The following LMNTD1 variants were observed in gnomAD, a reference collection of about 807,000 sequenced individuals.
LMNTD1 encodes the protein lamin tail domain containing 1.
LMNTD1 carries 35 observed loss-of-function variants against 50.9 expected under a neutral mutation model. The observed-to-expected ratio is 0.69, with a 90% CI of 0.53 to 0.91. The LOEUF (loss-of-function observed/expected upper bound fraction) is 0.91. Ranked by LOEUF, LMNTD1 falls within the 40% of genes least tolerant of loss-of-function variation. The probability of loss-of-function intolerance (pLI) is 0.00; values close to 1 mark genes in which losing one functional copy is unlikely to be tolerated. For synonymous variants in LMNTD1, 153 were observed against 161.9 expected (o/e 0.94, Z 0.42); for missense variants, 470 against 475.5 (o/e 0.99, Z 0.11).
chr12:25,529,408 G>T (rs569985554), intron 4 of LMNTD1, among the ~76,000 whole-genome samples: 1 of 151,814 alleles, frequency 6.6e-6, no homozygotes, highest in South Asian at 2.1e-4. Context: ...GATCTCAAAA[G>T]GTACCCCTGA....
chr12:25,632,834 A>G (rs1165872735), intron 1 of LMNTD1, among the ~76,000 whole-genome samples: 1 of 152,256 alleles, frequency 6.6e-6, no homozygotes, highest in African/African-American at 2.4e-5. Context: ...ACTAACATTG[A>G]ATGTAAATGG....
chr12:25,549,528 T>G lies in LMNTD1; in HGVS notation c.108A>C (p.Gly36=). 1 of 1,604,778 alleles carries G rather than the reference T, an allele frequency of 6.2e-7. No individual in the cohort carries two copies. Among genetic ancestry groups the G allele is most frequent in the Non-Finnish European group, 8.5e-7 (1 of 1,173,168 alleles). Residue 36 remains glycine, a synonymous_variant, in exon 3 of 10, where the codon GGA becomes GGC. Transcript: ENST00000458174. The part of the protein sequence containing the change: ...EKQKQREDKL[G]VYSLVHFSPK... The stretch of plus-strand genomic sequence containing the variant: ...GGGAAAAATGTACTAAAGAATATAC[T>G]CCAAGTTTGTCTTCTCTTCTGTGTA...
intron 1 of LMNTD1, among the ~76,000 whole-genome samples, chr12:25,620,663 T>G (rs1045235938): frequency 6.6e-6 from 1 of 152,184 alleles, no homozygotes; most frequent in Non-Finnish European, 1.5e-5. Flanking sequence ...TGAGCTGATT[T>G]TCTTTCCTTA....
At chr12:25,530,417 G>A (rs571581117) in intron 4 of LMNTD1, among the ~76,000 whole-genome samples, 8 of 151,932 alleles carry the variant, frequency 5.3e-5, no homozygotes, top group East Asian at 1.9e-4. Flanking sequence ...TCTTTTAAAC[G>A]TTTCAATAAT....
chr12:25,630,526 C>T (rs371307717), intron 1 of LMNTD1: 9 of 152,398 alleles, frequency 5.9e-5, no homozygotes, highest in African/African-American at 2.2e-4. Context: ...AAGAGAGCCT[C>T]CTCTCCCAAA....
chr12:25,607,658 T>C (rs893857229), intron 1 of LMNTD1, among the ~76,000 whole-genome samples: 1 of 152,244 alleles, frequency 6.6e-6, no homozygotes, highest in African/African-American at 2.4e-5. Flanking sequence ...GTGAGTTTCT[T>C]AATCCTGAAT....
chr12:25,497,662 G>A (rs1232417573), intron 9 of LMNTD1: 1 of 152,144 alleles, frequency 6.6e-6, no homozygotes, highest in South Asian at 2.1e-4. Context: ...GCCATGCAGG[G>A]TGGCGGATGC....
Position 25,546,514 on chromosome 12 carries a change from T to A in LMNTD1, c.351A>T (p.Ser117=). ...PFSVPKKQDE[S]PMIGDGEDYF... ...AATCTTCTCCATCCCCAATCATGGG[T>A]GATTCATCCTGTTTCTTCGGAACTG... The change falls in exon 4 of 10, where the codon TCA becomes TCT. Residue 117 remains serine (S), a synonymous_variant. Transcript: ENST00000458174. 6.3e-7 allele frequency: 1 copy of A among 1,576,680 alleles called. No individual in the cohort carries two copies. Among genetic ancestry groups the A allele is most frequent in the Non-Finnish European group, 8.6e-7 (1 of 1,159,378 alleles).
At chr12:25,567,417 A>G (rs1944598825) in intron 1 of LMNTD1, among the ~76,000 whole-genome samples, 1 of 152,204 alleles carries the variant, frequency 6.6e-6, no homozygotes. Flanking sequence ...TATAGCTATT[A>G]TTTACCATGA....
chr12:25,629,796 T>G (rs927681181), intron 1 of LMNTD1, among the ~76,000 whole-genome samples: 1 of 151,994 alleles, frequency 6.6e-6, no homozygotes, highest in Admixed American at 6.6e-5. Flanking sequence ...AGGTAGAAGC[T>G]TAACAGAGAG....
intron 1 of LMNTD1, among the ~76,000 whole-genome samples, chr12:25,593,733 T>A (rs1273054243): frequency 6.6e-6 from 1 of 150,548 alleles, no homozygotes; most frequent in African/African-American, 2.5e-5. Context: ...GGAAAAGAAT[T>A]CAGAAGGTTA....
chr12:25,516,069 T>G (rs1164048832), intron 8 of LMNTD1, among the ~76,000 whole-genome samples: 2 of 152,162 alleles, frequency 1.3e-5, no homozygotes, highest in Non-Finnish European at 2.9e-5. Context: ...TTACAAATCC[T>G]TTCAAGGAGA....
intron 1 of LMNTD1, among the ~76,000 whole-genome samples, chr12:25,616,092 TAAC>T (rs1946349003): frequency 8.3e-6 from 1 of 120,888 alleles, no homozygotes; most frequent in Non-Finnish European, 1.7e-5. Flanking sequence ...GACACACACA[TAAC>T]ACACACACAC....
chr12:25,503,097 G>A (rs1227391964), intron 9 of LMNTD1: 1 of 152,174 alleles, frequency 6.6e-6, no homozygotes, highest in Non-Finnish European at 1.5e-5. Flanking sequence ...TAGTGAACGA[G>A]GGCAACAAAG....
intron 2 of LMNTD1, among the ~76,000 whole-genome samples, chr12:25,550,749 C>G (rs1286379306): frequency 1.3e-5 from 2 of 152,120 alleles, no homozygotes; most frequent in African/African-American, 4.8e-5. Flanking sequence ...TCATTTTGTT[C>G]TACAATGTGA....
At chr12:25,563,225 T>G (rs1944411370) in intron 1 of LMNTD1, among the ~76,000 whole-genome samples, 2 of 152,238 alleles carry the variant, frequency 1.3e-5, no homozygotes, top group African/African-American at 4.8e-5. Context: ...GGCGCTCTGA[T>G]TTTTAGAATT....
intron 8 of LMNTD1, among the ~76,000 whole-genome samples, chr12:25,514,747 C>T (rs1479506): frequency 0.74 from 112,840 of 151,552 alleles, 42,843 homozygotes; most frequent in East Asian, 0.91. Flanking sequence ...AAGCACATAA[C>T]TTTATTATTA....
At chr12:25,630,737 C>CAGG (rs1164412268) in intron 1 of LMNTD1, 1 of 152,368 alleles carries the variant, frequency 6.6e-6, no homozygotes, top group Non-Finnish European at 1.5e-5. Flanking sequence ...ACCGGAGGAG[C>CAGG]AGGAGGAGGA....
chr12:25,575,965 T>C (rs549704514), intron 1 of LMNTD1, among the ~76,000 whole-genome samples: 1 of 152,290 alleles, frequency 6.6e-6, no homozygotes, highest in East Asian at 1.9e-4. Context: ...CTTGCGATAC[T>C]TTGCTCAGAA....
Sources: gnomAD v4.1 joint callset for allele counts (sites outside exome capture counted in the v4.1 genomes callset) on GRCh38, gnomAD v4.1.1 for gene constraint, MANE v1.5 for transcripts, NCBI Gene and HGNC (gene_info 2026-07-23, HGNC 2026-07-21) for gene names.